The following HSPH1 variants were observed in gnomAD, a reference collection of about 807,000 sequenced individuals.
HSPH1 encodes heat shock protein family H (Hsp110) member 1.
A neutral mutation model predicts 100.0 loss-of-function variants in HSPH1; 40 were observed. The observed-to-expected ratio is 0.40, with a 90% CI of 0.31 to 0.52. The LOEUF is 0.52. Ranked by LOEUF, HSPH1 falls within the 20% of genes least tolerant of loss-of-function variation. The pLI is 0.54. For missense variants in HSPH1, 876 were observed against 1,015.1 expected (o/e 0.86, Z 1.86); for synonymous variants, 403 against 344.0 (o/e 1.17, Z -1.90).
chr13:31,135,163 T>C lies in HSPH1; in HGVS notation c.*2155A>G, dbSNP rs1044359802. 1 of 152,222 alleles carries C rather than the reference T, an allele frequency of 6.6e-6. No individual in the cohort carries two copies. The highest frequency in any genetic ancestry group is 2.4e-5 in the African/African-American group (1 of 41,444). The allele number at this position is 152,222 out of a possible 1,614,324, so 9.4% of individuals were successfully genotyped here. A position where few individuals can be genotyped will look rare whatever the true frequency, so the allele number is the denominator to read the frequency against. The stretch of plus-strand genomic sequence containing the variant: ...ATACGTTATTATAAAGTAATCAACA[T>C]GACAATACTTTTGCCCGCATCCAAA... On this transcript the variant is annotated 3_prime_UTR_variant, in exon 18 of 18. Transcript: ENST00000320027.
intron 13 of HSPH1, 64 bp from the exon 14 acceptor site, chr13:31,140,373 G>T: frequency 6.7e-7 from 1 of 1,492,638 alleles, no homozygotes; most frequent in Non-Finnish European, 9.1e-7. Context: ...TTCTAAATAT[G>T]TAGACTCTGG....
chr13:31,138,611 A>C (rs376799572), intron 16 of HSPH1, 43 bp from the exon 17 acceptor site: 112 of 1,562,108 alleles, frequency 7.2e-5, no homozygotes, highest in Non-Finnish European at 9.4e-5. Flanking sequence ...TTTATTGAAC[A>C]ATAGTATCTC....
intron 17 of HSPH1, 83 bp from the exon 18 acceptor site, chr13:31,137,607 C>A (rs1229872319): frequency 2.1e-6 from 2 of 943,058 alleles, no homozygotes; most frequent in Non-Finnish European, 3.2e-6. Context: ...ACTCAACCCA[C>A]TATTTTTCTA....
In HSPH1 at chr13:31,134,983, A is replaced by G. The variant is rs1955850397; in HGVS notation, c.*2335T>C. 6.6e-6 allele frequency: 1 copy of G among 152,264 alleles called. No homozygotes were observed. Among genetic ancestry groups the G allele is most frequent in the Admixed American group, 6.5e-5 (1 of 15,290 alleles). The allele number at this position is 152,264 out of a possible 1,614,324, so 9.4% of individuals were successfully genotyped here. A position where few individuals can be genotyped will look rare whatever the true frequency, so the allele number is the denominator to read the frequency against. ...GACTCAAAATTCAACTGTTATTAAA[A>G]ATGGACGTTGTTTAGAAATATTGTC... is the stretch of plus-strand genomic sequence containing the variant. On this transcript the variant is annotated 3_prime_UTR_variant, in exon 18 of 18. Transcript: ENST00000320027.
chr13:31,159,818 G>C (rs968570538), intron 1 of HSPH1, among the ~76,000 whole-genome samples: 1 of 152,028 alleles, frequency 6.6e-6, no homozygotes, highest in East Asian at 1.9e-4. Flanking sequence ...TATTATCTGA[G>C]CAAGTGTTAA....
Position 31,136,129 on chromosome 13 carries a change from A to C in HSPH1, c.*1189T>G, listed in dbSNP as rs1035875518. ...TACTTCAATTTTGTGCTTACAAAAC[A>C]ACCAGATAGATTCATTGCAGCATTA... On this transcript the variant is annotated 3_prime_UTR_variant, in exon 18 of 18. Coordinates refer to ENST00000320027, the MANE Select transcript of HSPH1 (RefSeq NM_006644.4). 2.4e-4 allele frequency: 37 copies of C among 152,250 alleles called. 1 individual carries two copies. The highest frequency in any genetic ancestry group is 5.2e-4 in the Admixed American group (8 of 15,286). The allele number at this position is 152,250 out of a possible 1,614,324, so 9.4% of individuals were successfully genotyped here. A position where few individuals can be genotyped will look rare whatever the true frequency, so the allele number is the denominator to read the frequency against.
chr13:31,161,895 C>T lies in HSPH1; in HGVS notation c.-313G>A, dbSNP rs1051331432. ...CTCGCACACCGGCGCCGGCGCTGAA[C>T]TACCGACCCAAAAGGGGAGGTCCCA... is the stretch of plus-strand genomic sequence containing the variant. On this transcript the variant is annotated 5_prime_UTR_variant, in exon 1 of 18. Coordinates refer to ENST00000320027, the MANE Select transcript of HSPH1 (RefSeq NM_006644.4). 3 of 1,499,318 alleles carry T rather than the reference C, an allele frequency of 2.0e-6. No homozygotes were observed. Among genetic ancestry groups the T allele is most frequent in the East Asian group, 5.0e-5 (2 of 40,372 alleles). 92.9% of individuals were successfully genotyped at this position (1,499,318 alleles called of 1,614,324 possible). A position where few individuals can be genotyped will look rare whatever the true frequency, so the allele number is the denominator to read the frequency against.
At chr13:31,148,122 G>A in intron 9 of HSPH1, 30 bp from the exon 10 acceptor site, 1 of 1,592,322 alleles carries the variant, frequency 6.3e-7, no homozygotes, top group Non-Finnish European at 8.5e-7. Flanking sequence ...GCATTCAGCA[G>A]ATGAAGAACT....
intron 12 of HSPH1, 30 bp from the exon 13 acceptor site, chr13:31,141,289 A>G (rs1016412855): frequency 5.1e-6 from 8 of 1,558,176 alleles, no homozygotes; most frequent in Non-Finnish European, 6.1e-6. Flanking sequence ...AAAGGAAAAA[A>G]TTTTAAACAA....
rs147125877 is a variant in HSPH1, at chr13:31,161,583, G to C, written c.-1C>G. On this transcript the variant is annotated 5_prime_UTR_variant, in exon 1 of 18. Transcript: ENST00000320027. The stretch of plus-strand genomic sequence containing the variant: ...CCACGTCCAACCCCACCACCGACAT[G>C]GCCGGCTCGCGGTCCGCCTCCGCCT... The C allele has an allele frequency of 1.5e-5, 24 of 1,612,678 alleles. No individual in the cohort carries two copies. The African/African-American group carries it at 3.1e-4, about 21-fold the overall frequency.
Position 31,148,583 on chromosome 13 carries a change from A to G in HSPH1, c.1138-103T>C, listed in dbSNP as rs747934095. On this transcript the variant is annotated intron_variant, in intron 8 of 17. Coordinates refer to ENST00000320027, the MANE Select transcript of HSPH1 (RefSeq NM_006644.4). ...ATGGACAGGGTTTTCAAAAAAAAAA[A>G]AAAAAAACAACTCACATTCCAGAAT... 1.7e-3 allele frequency: 827 copies of G among 497,460 alleles called. 54 individuals are homozygous for G. Among genetic ancestry groups the G allele is most frequent in the Non-Finnish European group, 1.9e-3 (528 of 283,854 alleles). The allele number at this position is 497,460 out of a possible 1,614,324, so 30.8% of individuals were successfully genotyped here.
chr13:31,157,206 GTCTCAACAGATTCT>G (rs1956731076), intron 2 of HSPH1, among the ~76,000 whole-genome samples: 1 of 152,160 alleles, frequency 6.6e-6, no homozygotes, highest in African/African-American at 2.4e-5. Context: ...CCAAATATGA[GTCTCAACAGATTCT>G]TCTCAAGTAA....
chr13:31,148,475 T>G lies in HSPH1; in HGVS notation c.1143A>C (p.Ala381=). Residue 381 remains alanine, a synonymous_variant, in exon 9 of 18, where the codon GCA becomes GCC. Coordinates refer to ENST00000320027, the MANE Select transcript of HSPH1 (RefSeq NM_006644.4). ...AVARGCALQC[A]ILSPAFKVRE... ...TAACTTTAAATGCCGGGGAAAGTAT[T>G]GCACACTTAAAAAAAAAAAAAAAAA... The G allele has an allele frequency of 6.8e-7, 1 of 1,479,848 alleles. No individual in the cohort carries two copies. The highest frequency in any genetic ancestry group is 9.0e-7 in the Non-Finnish European group (1 of 1,108,034). 91.7% of individuals were successfully genotyped at this position (1,479,848 alleles called of 1,614,324 possible). A position where few individuals can be genotyped will look rare whatever the true frequency, so the allele number is the denominator to read the frequency against.
At chr13:31,141,036 T>C (rs960479694) in intron 13 of HSPH1, 86 bp downstream of exon 13, 16 of 775,334 alleles carry the variant, frequency 2.1e-5, no homozygotes, top group African/African-American at 7.2e-5. Context: ...GAAAGAATTA[T>C]GGCCATTTAT....
In HSPH1 at chr13:31,161,641, C is replaced by T. The variant is rs775510973; in HGVS notation, c.-59G>A. ...CGGTCTGCGTCCTCCGGCCCCCTGC[C>T]TGCTTCTCCTGCCGCCGCTTTCTGC... is the stretch of plus-strand genomic sequence containing the variant. On this transcript the variant is annotated 5_prime_UTR_variant, in exon 1 of 18. Transcript: ENST00000320027. 1.9e-6 allele frequency: 3 copies of T among 1,597,144 alleles called. No homozygotes were observed. The highest frequency in any genetic ancestry group is 2.2e-5 in the East Asian group (1 of 44,492).
chr13:31,160,296 GGGTAGACGTACA>G (rs1238743522), intron 1 of HSPH1, among the ~76,000 whole-genome samples: 1 of 152,028 alleles, frequency 6.6e-6, no homozygotes, highest in Non-Finnish European at 1.5e-5. Flanking sequence ...AGATCTGCAG[GGGTAGACGTACA>G]GGTTGCTCAG....
chr13:31,161,696 G>T lies in HSPH1; in HGVS notation c.-114C>A. The T allele has an allele frequency of 1.9e-6, 3 of 1,541,638 alleles. No individual in the cohort carries two copies. The East Asian group carries it at 7.3e-5, about 37-fold the overall frequency. On this transcript the variant is annotated 5_prime_UTR_variant, in exon 1 of 18. Transcript: ENST00000320027. ...GCCGCGTTCTGCTCCGGCCCGCGGG[G>T]TCTGGCCGTTCCTCTGACACTCAGA... is the stretch of plus-strand genomic sequence containing the variant.
chr13:31,158,548 CAAAAAAA>C (rs11363658), intron 2 of HSPH1, among the ~76,000 whole-genome samples: 1 of 63,834 alleles, frequency 1.6e-5, no homozygotes, highest in Non-Finnish European at 2.8e-5. Flanking sequence ...GACTCTATCT[CAAAAAAA>C]AAAAAAAAAA....
intron 5 of HSPH1, chr13:31,152,470 A>C (rs1383482199): frequency 4.6e-6 from 1 of 215,102 alleles, no homozygotes; most frequent in Non-Finnish European, 9.3e-6. Flanking sequence ...ACCTATCTAC[A>C]GTTCAGTAGA....
Sources: gnomAD v4.1 joint callset for allele counts (sites outside exome capture counted in the v4.1 genomes callset) on GRCh38, gnomAD v4.1.1 for gene constraint, MANE v1.5 for transcripts, NCBI Gene and HGNC (gene_info 2026-07-23, HGNC 2026-07-21) for gene names.